Variants in CIAO3 observed in about 807,000 individuals in gnomAD.
The protein encoded by CIAO3 is LET1 like/JFP15.
CIAO3 carries 45 observed loss-of-function variants against 51.5 expected under a neutral mutation model. The ratio of observed to expected loss-of-function variants is 0.87; its 90% CI spans 0.69 to 1.12. The LOEUF is 1.12. Among genes scored for constraint, CIAO3 ranks in the 50% most tolerant of loss-of-function variants. CIAO3 has a pLI of 0.00. For synonymous variants in CIAO3, 314 were observed against 269.3 expected (o/e 1.17, Z -1.63); for missense variants, 668 against 632.5 (o/e 1.06, Z -0.60).
chr16:736,555 C>T (rs2041340575), intron 3 of CIAO3, among the ~76,000 whole-genome samples, 157 bp from the exon 4 acceptor site: 1 of 151,734 alleles, frequency 6.6e-6, no homozygotes, highest in East Asian at 1.9e-4. Flanking sequence ...CACTCTGTTG[C>T]CCAGGCTGGA....
intron 9 of CIAO3, 51 bp downstream of exon 9, chr16:731,514 G>A (rs764987146): frequency 9.3e-6 from 14 of 1,504,112 alleles, no homozygotes; most frequent in Non-Finnish European, 1.3e-5. Context: ...CCCGAGGAAG[G>A]CTGGGGGCTG....
Position 730,560 on chromosome 16 carries a change from C to A in CIAO3, c.1288G>T (p.Glu430Ter). 6.2e-7 allele frequency: 1 copy of A among 1,610,982 alleles called. No homozygotes were observed. The highest frequency in any genetic ancestry group is 8.5e-7 in the Non-Finnish European group (1 of 1,179,988). The change falls in exon 11 of 11, where the codon GAG becomes TAG. Residue 430 changes from glutamate to a stop codon, truncating the protein, a stop_gained. Transcript: ENST00000251588. LOFTEE classifies it low-confidence loss of function (END_TRUNC). ...VERLYGMVRA[E>*]APEDAPGVQE... ...ACCCCAGGCGCGTCCTCGGGCGCCT[C>A]AGCCCGGACCATGCCGTACAGTCTC...
At position 730,615 on chromosome 16, in the gene CIAO3, C is replaced by G. The variant is rs202243971; in HGVS notation, c.1233G>C (p.Arg411Ser). 1 of 1,610,380 alleles carries G rather than the reference C, an allele frequency of 6.2e-7. No individual in the cohort carries two copies. The highest frequency in any genetic ancestry group is 1.7e-5 in the Admixed American group (1 of 60,028). Residue 411 changes from arginine to serine, a missense_variant, in exon 11 of 11, where the codon AGG becomes AGC. Arg to Ser is a moderately radical substitution (Grantham distance 110). Transcript: ENST00000251588. ...CGTGCTGGAGGAGCTCTCTGCTGGGCCTGTCTGGGGCCTGGAGCTGGCCCC... is the reference window on the plus strand; with the variant it reads ...CGTGCTGGAGGAGCTCTCTGCTGGGGCTGTCTGGGGCCTGGAGCTGGCCCC... ...NGGGQLQAPD[R>S]PSRELLQHVE...
At position 734,359 on chromosome 16, in the gene CIAO3, G is replaced by A. The variant is rs1364404427; in HGVS notation, c.575-12C>T. 1 of 1,590,690 alleles carries A rather than the reference G, an allele frequency of 6.3e-7. No homozygotes were observed. Among genetic ancestry groups the A allele is most frequent in the Non-Finnish European group, 8.6e-7 (1 of 1,166,416 alleles). On this transcript the variant is annotated splice_polypyrimidine_tract_variant and intron_variant, in intron 5 of 10. Coordinates refer to ENST00000251588, the MANE Select transcript of CIAO3 (RefSeq NM_022493.3). ...ATAGCAGATCCAGCCTGAGGTGACA[G>A]GGGGCACACGGGGCTGGCGGGGGCG...
At position 734,849 on chromosome 16, in the gene CIAO3, G is replaced by C. The variant is rs201194746; in HGVS notation, c.462C>G (p.Thr154=). The C allele has an allele frequency of 6.4e-7, 1 of 1,573,570 alleles. No homozygotes were observed. The highest frequency in any genetic ancestry group is 1.7e-5 in the Admixed American group (1 of 57,316). Residue 154 remains threonine, a synonymous_variant, in exon 5 of 11, where the codon ACC becomes ACG. Coordinates refer to ENST00000251588, the MANE Select transcript of CIAO3 (RefSeq NM_022493.3). ...KKIGVHFVFD[T]AFSRHFSLLE... ...GGAGGCTGAAGTGCCTTGAGAAGGC[G>C]GTGTCGAAGACGAAGTGCACCCCTG...
chr16:732,454 C>T (rs1279817115), intron 7 of CIAO3, 81 bp from the exon 8 acceptor site: 12 of 1,509,254 alleles, frequency 8.0e-6, no homozygotes, highest in Non-Finnish European at 1.1e-5. Context: ...CACCTGCATC[C>T]CCAGCAGTCT....
At position 730,854 on chromosome 16, in the gene CIAO3, G is replaced by A; in HGVS notation, c.1181C>T (p.Ala394Val). Residue 394 changes from alanine (A) to valine (V), a missense_variant, in exon 10 of 11, where the codon GCC (alanine) becomes GTC (valine). Ala to Val is a moderately conservative substitution (Grantham distance 64, BLOSUM62 0). Coordinates refer to ENST00000251588, the MANE Select transcript of CIAO3 (RefSeq NM_022493.3). ...RCPYHYVEVMACPSGCLNGGG... is the reference protein window; with the variant it reads ...RCPYHYVEVMVCPSGCLNGGG... The stretch of plus-strand genomic sequence containing the variant: ...CTTGCAGGAGCTACCTGAGGGGCAG[G>A]CCATGACCTCCACGTAGTGGTAGGG... 6.2e-7 allele frequency: 1 copy of A among 1,612,724 alleles called. No individual in the cohort carries two copies. The highest frequency in any genetic ancestry group is 8.5e-7 in the Non-Finnish European group (1 of 1,179,972).
rs557017484 is a variant in CIAO3, at chr16:732,158, G to A, written c.896+143C>T. ...CTCCCAAAGTGCTGGGGTGACAGGC[G>A]TGAGCTACTGCGCCTGGCTATCCAG... On this transcript the variant is annotated intron_variant, in intron 8 of 10. Transcript: ENST00000251588. 74 of 865,694 alleles carry A rather than the reference G, an allele frequency of 8.5e-5. No individual in the cohort carries two copies. In the African/African-American group the frequency reaches 1.1e-3, roughly 12 times the overall value. 53.6% of individuals were successfully genotyped at this position (865,694 alleles called of 1,614,324 possible).
intron 7 of CIAO3, chr16:732,648 T>G (rs2041296629): frequency 4.0e-6 from 2 of 496,442 alleles, no homozygotes; most frequent in Admixed American, 2.9e-5. Context: ...GCTTTTCTTT[T>G]TTTTTTGAGA....
Position 734,727 on chromosome 16 carries a change from A to G in CIAO3, c.574+10T>C, listed in dbSNP as rs1324086155. 1.9e-6 allele frequency: 3 copies of G among 1,612,652 alleles called. No individual in the cohort carries two copies. Among genetic ancestry groups the G allele is most frequent in the African/African-American group, 1.3e-5 (1 of 74,988 alleles). On this transcript the variant is annotated intron_variant, in intron 5 of 10. Coordinates refer to ENST00000251588, the MANE Select transcript of CIAO3 (RefSeq NM_022493.3). ...ACTTGACTCTCCCACCACCCGCACC[A>G]TGAGCACACCTGGGCAGGCAGAGGC...
chr16:730,131 C>G lies in CIAO3; in HGVS notation c.*286G>C, dbSNP rs889390955. 1.1e-5 allele frequency: 6 copies of G among 535,310 alleles called. No homozygotes were observed. Among genetic ancestry groups the G allele is most frequent in the Non-Finnish European group, 2.0e-5 (6 of 298,710 alleles). The allele number at this position is 535,310 out of a possible 1,614,324, so 33.2% of individuals were successfully genotyped here. A position where few individuals can be genotyped will look rare whatever the true frequency, so the allele number is the denominator to read the frequency against. On this transcript the variant is annotated 3_prime_UTR_variant, in exon 11 of 11. Transcript: ENST00000251588. Reference sequence around the variant, plus strand: ...CCGACCAGCAGCAGCAAGGGCAGCACCTGTGGGCCTCGGCCCAGGGCCAAC... The same window carrying G: ...CCGACCAGCAGCAGCAAGGGCAGCAGCTGTGGGCCTCGGCCCAGGGCCAAC...
chr16:738,184 C>T (rs1479638208), intron 2 of CIAO3: 17 of 996,244 alleles, frequency 1.7e-5, no homozygotes, highest in Admixed American at 5.3e-5. Context: ...GCCACTGCAC[C>T]GACAGCCACG....
rs1467113967 is a variant in CIAO3, at chr16:729,891, G to C, written c.*526C>G. 36 of 391,648 alleles carry C rather than the reference G, an allele frequency of 9.2e-5. 1 individual carries two copies. Among genetic ancestry groups the C allele is most frequent in the South Asian group, 5.8e-4 (26 of 44,450 alleles). 24.3% of individuals were successfully genotyped at this position (391,648 alleles called of 1,614,324 possible). A position where few individuals can be genotyped will look rare whatever the true frequency, so the allele number is the denominator to read the frequency against. The stretch of plus-strand genomic sequence containing the variant: ...TTGGCTTGCCCCGGACCACAGCCTC[G>C]TAACGGTAACCCCTGCTTTCCAGGG... On this transcript the variant is annotated 3_prime_UTR_variant, in exon 11 of 11. Coordinates refer to ENST00000251588, the MANE Select transcript of CIAO3 (RefSeq NM_022493.3).
In CIAO3 at chr16:737,423, A is replaced by G. The variant is rs2041350902; in HGVS notation, c.163-94T>C. 3 of 1,589,686 alleles carry G rather than the reference A, an allele frequency of 1.9e-6. No individual in the cohort carries two copies. Among genetic ancestry groups the G allele is most frequent in the South Asian group, 1.1e-5 (1 of 89,488 alleles). Reference sequence around the variant, plus strand: ...GAGTCCAGCTCATAACCGACAACCAACATGGCTGCTGGCTGGGCTTGTGTG... The same window carrying G: ...GAGTCCAGCTCATAACCGACAACCAGCATGGCTGCTGGCTGGGCTTGTGTG... On this transcript the variant is annotated intron_variant, in intron 2 of 10. Transcript: ENST00000251588. This position sits in a 1 kb window ranked among gnomAD's most constrained non-coding sequence, Gnocchi z 5.3.
rs574513088 is a variant in CIAO3, at chr16:736,191, G to A, written c.439+75C>T. The A allele has an allele frequency of 1.9e-4, 308 of 1,579,794 alleles. 2 individuals are homozygous for A. The highest frequency in any genetic ancestry group is 1.0e-3 in the South Asian group (88 of 88,138). On this transcript the variant is annotated intron_variant, in intron 4 of 10. Transcript: ENST00000251588. ...CTGGGTAGCGTGTCAGTGACTCAGAGGCGCGAGGGGCCTGGGCTTACTCAG... is the reference window on the plus strand; with the variant it reads ...CTGGGTAGCGTGTCAGTGACTCAGAAGCGCGAGGGGCCTGGGCTTACTCAG...
intron 1 of CIAO3, 43 bp downstream of exon 1, chr16:740,877 G>T: frequency 6.7e-7 from 1 of 1,501,862 alleles, no homozygotes. Context: ...GCGCGACAGG[G>T]CACCGAGCGC....
Position 737,698 on chromosome 16 carries a change from G to T in CIAO3, c.163-369C>A, listed in dbSNP as rs1294365961. 5 of 1,304,100 alleles carry T rather than the reference G, an allele frequency of 3.8e-6. No individual in the cohort carries two copies. The South Asian group carries it at 6.2e-5, about 16-fold the overall frequency. 80.8% of individuals were successfully genotyped at this position (1,304,100 alleles called of 1,614,324 possible). ...CAGGAAAATGCCGAAGGTGGGCTCTGAAAGGAGGAGGCGGGAAAGCTGAGG... is the reference window on the plus strand; with the variant it reads ...CAGGAAAATGCCGAAGGTGGGCTCTTAAAGGAGGAGGCGGGAAAGCTGAGG... On this transcript the variant is annotated intron_variant, in intron 2 of 10. Coordinates refer to ENST00000251588, the MANE Select transcript of CIAO3 (RefSeq NM_022493.3). This position sits in a 1 kb window ranked among gnomAD's most constrained non-coding sequence, Gnocchi z 5.3.
In CIAO3 at chr16:736,263, T is replaced by C. The variant is rs373967499; in HGVS notation, c.439+3A>G. 6.2e-7 allele frequency: 1 copy of C among 1,612,498 alleles called. No individual in the cohort carries two copies. The highest frequency in any genetic ancestry group is 8.5e-7 in the Non-Finnish European group (1 of 1,179,704). ...GCAGTGTTACCCCAGGTTCAAAGCCTACCTATTTTTTTAAAGAATGAGGTT... is the reference window on the plus strand; with the variant it reads ...GCAGTGTTACCCCAGGTTCAAAGCCCACCTATTTTTTTAAAGAATGAGGTT... On this transcript the variant is annotated splice_donor_region_variant and intron_variant, in intron 4 of 10. Transcript: ENST00000251588.
intron 4 of CIAO3, chr16:735,218 C>G (rs2041325928): frequency 3.8e-6 from 1 of 260,972 alleles, no homozygotes; most frequent in Non-Finnish European, 7.3e-6. Flanking sequence ...GTGACCCTCC[C>G]TAGGGCACAG....
Sources: allele counts gnomAD v4.1 joint callset (sites outside exome capture counted in the v4.1 genomes callset), GRCh38; gene constraint gnomAD v4.1.1; non-coding constraint Gnocchi (gnomAD v3.1); transcripts MANE v1.5; gene names NCBI Gene and HGNC (gene_info 2026-07-23, HGNC 2026-07-21).